The following CCSER1 variants were observed in gnomAD, a reference collection of about 807,000 sequenced individuals.
CCSER1 encodes coiled-coil serine rich protein 1.
A neutral mutation model predicts 82.0 loss-of-function variants in CCSER1; 41 were observed. The ratio of observed to expected loss-of-function variants is 0.50; its 90% CI spans 0.39 to 0.65. The LOEUF (loss-of-function observed/expected upper bound fraction) is 0.65, where lower values mean the gene tolerates loss of function less well. CCSER1 is among the 30% of genes least tolerant of loss of function. The pLI is 0.00. For missense variants in CCSER1, 1,119 were observed against 1,064.2 expected (o/e 1.05, Z -0.72); for synonymous variants, 414 against 383.9 (o/e 1.08, Z -0.92).
intron 4 of CCSER1, among the ~76,000 whole-genome samples, chr4:90,438,493 AAAAAC>A (rs1384576301): frequency 6.6e-6 from 1 of 152,186 alleles, no homozygotes; most frequent in Non-Finnish European, 1.5e-5. Flanking sequence ...GATTTACCAA[AAAAAC>A]AAAACAAAAC....
At chr4:90,699,370 C>T (rs1428052968) in intron 6 of CCSER1, among the ~76,000 whole-genome samples, 1 of 152,102 alleles carries the variant, frequency 6.6e-6, no homozygotes, top group Non-Finnish European at 1.5e-5. Context: ...AAGGTCGGGG[C>T]ATGAGAATCT....
intron 9 of CCSER1, among the ~76,000 whole-genome samples, chr4:90,979,985 A>G (rs922193009): frequency 2.3e-5 from 1 of 43,652 alleles, no homozygotes; most frequent in Non-Finnish European, 7.6e-5. Context: ...TGAAACTATA[A>G]CTAAAAAAAA....
At chr4:90,219,976 A>G (rs896296047) in intron 1 of CCSER1, among the ~76,000 whole-genome samples, 8 of 152,192 alleles carry the variant, frequency 5.3e-5, no homozygotes, top group Admixed American at 3.3e-4. Flanking sequence ...GACCATGTAC[A>G]GTAGTTTCCC....
At chr4:91,513,206 T>C (rs958433077) in intron 10 of CCSER1, among the ~76,000 whole-genome samples, 2 of 152,210 alleles carry the variant, frequency 1.3e-5, no homozygotes, top group African/African-American at 4.8e-5. Flanking sequence ...GAGAGCTTTT[T>C]ATGCATCTAT....
intron 8 of CCSER1, among the ~76,000 whole-genome samples, chr4:90,840,793 TG>T (rs1762482152): frequency 6.6e-6 from 1 of 152,136 alleles, no homozygotes; most frequent in Non-Finnish European, 1.5e-5. Flanking sequence ...TGCAAGTCAC[TG>T]TGAATTTTGC....
intron 6 of CCSER1, among the ~76,000 whole-genome samples, chr4:90,700,853 G>T (rs993174179): frequency 1.3e-5 from 2 of 151,916 alleles, no homozygotes. Flanking sequence ...CTTTTAATTT[G>T]TTTGAGTTCT....
rs532132444 is a variant in CCSER1, at chr4:90,965,183, T to C, written c.2172+41736T>C. Among the ~76,000 whole-genome samples, 39 of 152,264 alleles carry C rather than the reference T, an allele frequency of 2.6e-4. No individual in the cohort carries two copies. In the South Asian group the frequency reaches 7.7e-3, roughly 30 times the overall value. ...GACAGAAACAATCAATTGTTTAATA[T>C]TTCAGTTGCTTGAGGCAGTGATACA... On this transcript the variant is annotated intron_variant, in intron 9 of 10. Transcript: ENST00000509176.
chr4:91,409,564 T>C (rs1752905705), intron 10 of CCSER1, among the ~76,000 whole-genome samples: 1 of 152,242 alleles, frequency 6.6e-6, no homozygotes. Context: ...CAGTTATAAA[T>C]ATAGATTTTT....
chr4:91,412,517 C>A (rs138710654), intron 10 of CCSER1, among the ~76,000 whole-genome samples: 12 of 152,092 alleles, frequency 7.9e-5, no homozygotes, highest in Middle Eastern at 6.8e-3. Flanking sequence ...ATCCTGGTGC[C>A]AGTGCTACTG....
chr4:90,922,339 G>A (rs1308706823), intron 8 of CCSER1, among the ~76,000 whole-genome samples: 4 of 151,992 alleles, frequency 2.6e-5, no homozygotes, highest in East Asian at 3.9e-4. Flanking sequence ...AAGGAAGGGA[G>A]GTGAGGATGG....
rs1752557237 is a variant in CCSER1, at chr4:91,404,493, GTC to G, written c.2218-194078_2218-194077del. Reference sequence around the variant, plus strand: ...GTTCTTTTAATTGTGATGTTAGGGTGTCAATTTTAGATCTTTCCTGCTTCTCT... The same window carrying G: ...GTTCTTTTAATTGTGATGTTAGGGTGAATTTTAGATCTTTCCTGCTTCTCT... On this transcript the variant is annotated intron_variant, in intron 10 of 10. Transcript: ENST00000509176. Among the ~76,000 whole-genome samples, 3 of 152,206 alleles carry G rather than the reference GTC, an allele frequency of 2.0e-5. No individual in the cohort carries two copies. The South Asian group carries it at 6.2e-4, about 32-fold the overall frequency.
intron 1 of CCSER1, among the ~76,000 whole-genome samples, chr4:90,267,530 AAAG>A (rs1725462480): frequency 6.6e-6 from 1 of 152,062 alleles, no homozygotes; most frequent in South Asian, 2.1e-4. Context: ...AGGCCTTGGA[AAAG>A]ACCCAGTGCT....
In CCSER1 at chr4:90,801,948, G is replaced by A. The variant is rs181505518; in HGVS notation, c.2011-13814G>A. ...ATATGTATAATTCTAGGCTGGGGGC[G>A]TTGTCTCACGCCTGTAATCCCAGCA... On this transcript the variant is annotated intron_variant, in intron 7 of 10. Coordinates refer to ENST00000509176, the MANE Select transcript of CCSER1 (RefSeq NM_001145065.2). Among the ~76,000 whole-genome samples the A allele has an allele frequency of 2.7e-4, 41 of 152,088 alleles. 1 individual carries two copies. The East Asian group carries it at 4.8e-3, about 18-fold the overall frequency.
intron 8 of CCSER1, among the ~76,000 whole-genome samples, chr4:90,856,894 G>C (rs1764523209): frequency 6.6e-6 from 1 of 151,048 alleles, no homozygotes; most frequent in Non-Finnish European, 1.5e-5. Flanking sequence ...TTGCAATCTG[G>C]TTGGAAGTAG....
intron 10 of CCSER1, among the ~76,000 whole-genome samples, chr4:91,571,507 C>T (rs1763182404): frequency 6.6e-6 from 1 of 152,038 alleles, no homozygotes; most frequent in Non-Finnish European, 1.5e-5. Context: ...TGTCAGAAGG[C>T]ACCTCTTCAC....
At chr4:91,174,234 T>C (rs1356130721) in intron 10 of CCSER1, among the ~76,000 whole-genome samples, 1 of 152,226 alleles carries the variant, frequency 6.6e-6, no homozygotes, top group East Asian at 1.9e-4. Context: ...TTTCTTTCCT[T>C]CTTATTTTTT....
chr4:90,711,039 C>G (rs1740507892), intron 6 of CCSER1, among the ~76,000 whole-genome samples: 2 of 151,988 alleles, frequency 1.3e-5, no homozygotes, highest in African/African-American at 4.8e-5. Context: ...TTGAAGATAT[C>G]CTTCACTTCC....
rs1763475163 is a variant in CCSER1 at position 91,576,853 on chromosome 4, C to T, written c.2218-21719C>T. ...ATTTTAAATTTTTGGATTAGGAATA[C>T]TTAACCTATATTTTCAGCACACAAA... On this transcript the variant is annotated intron_variant, in intron 10 of 10. Transcript: ENST00000509176. Among the ~76,000 whole-genome samples, 2 of 151,844 alleles carry T rather than the reference C, an allele frequency of 1.3e-5. 1 individual carries two copies. The highest frequency in any genetic ancestry group is 1.3e-4 in the Admixed American group (2 of 15,194).
At chr4:90,981,665 T>C (rs1430416487) in intron 9 of CCSER1, among the ~76,000 whole-genome samples, 1 of 151,826 alleles carries the variant, frequency 6.6e-6, no homozygotes, top group African/African-American at 2.4e-5. Flanking sequence ...CTAAAAATAG[T>C]TCACATCCAT....
Sources: gnomAD v4.1 joint callset for allele counts (sites outside exome capture counted in the v4.1 genomes callset) on GRCh38, gnomAD v4.1.1 for gene constraint, MANE v1.5 for transcripts, NCBI Gene and HGNC (gene_info 2026-07-23, HGNC 2026-07-21) for gene names.